The following FANCA variants were observed in gnomAD, a reference collection of about 807,000 sequenced individuals.
The protein encoded by FANCA is Fanconi anemia group A protein.
Under a neutral mutation model 194.3 loss-of-function variants are expected in FANCA, and 236 were observed. The ratio of observed to expected loss-of-function variants is 1.21; its 90% CI spans 1.09 to 1.35. The LOEUF (loss-of-function observed/expected upper bound fraction) is 1.35. Ranked by LOEUF, FANCA falls within the 40% of genes most tolerant of loss-of-function variation. The pLI, the probability that FANCA is intolerant of heterozygous loss-of-function variation, is 0.00. For missense variants in FANCA, 2,628 were observed against 1,813.9 expected (o/e 1.45, Z -8.15); for synonymous variants, 1,014 against 715.8 (o/e 1.42, Z -6.65).
intron 11 of FANCA, among the ~76,000 whole-genome samples, chr16:89,795,672 T>C (rs1038701350): frequency 2.0e-5 from 3 of 152,236 alleles, no homozygotes; most frequent in Non-Finnish European, 2.9e-5. Flanking sequence ...TCTATTTTAA[T>C]GACAATTATT....
At position 89,771,702 on chromosome 16, in the gene FANCA, C is replaced by T. The variant is rs771226546; in HGVS notation, c.2127G>A (p.Pro709=). 20 of 1,614,208 alleles carry T rather than the reference C, an allele frequency of 1.2e-5. No individual in the cohort carries two copies. Among genetic ancestry groups the T allele is most frequent in the South Asian group, 3.3e-5 (3 of 91,088 alleles). ...CCATGTGTTCCCGTGGCTCCAGTCT[C>T]GGCGTGTTGATGCTGAGCTGAATCT... ...ISKIQLSINT[P]RLEPREHMAV... is the part of the protein sequence containing the mutation. The change falls in exon 23 of 43, where the codon CCG becomes CCA. Residue 709 remains proline (P), a synonymous_variant. Coordinates refer to ENST00000389301, the MANE Select transcript of FANCA (RefSeq NM_000135.4).
In FANCA at chr16:89,738,943, C is replaced by T. The variant is rs149851163; in HGVS notation, c.4199G>A (p.Arg1400His). Residue 1400 changes from arginine to histidine, a missense_variant, in exon 42 of 43, where the codon CGT becomes CAT. Physicochemically the swap from Arg to His is conservative, Grantham distance 29 (BLOSUM62 0). Transcript: ENST00000389301. ...AGGTATTAACTGCAGCAGAAAAAGA[C>T]GAGCTTTTGTTATCAGTTCCACGGG... is the stretch of plus-strand genomic sequence containing the variant. Reference protein sequence around the residue: ...GNPVELITKARLFLLQLIPRC... With the variant: ...GNPVELITKAHLFLLQLIPRC... 6.9e-5 allele frequency: 111 copies of T among 1,614,272 alleles called. No homozygotes were observed. Among genetic ancestry groups the T allele is most frequent in the Admixed American group, 8.3e-5 (5 of 60,032 alleles).
intron 17 of FANCA, among the ~76,000 whole-genome samples, chr16:89,781,282 T>G (rs1202707878): frequency 1.5e-5 from 2 of 137,436 alleles, no homozygotes; most frequent in Non-Finnish European, 3.0e-5. Context: ...GAGAATGGCA[T>G]GAACCCGGAA....
chr16:89,803,186 C>T (rs891747537), intron 8 of FANCA, 73 bp downstream of exon 8: 29 of 1,390,368 alleles, frequency 2.1e-5, no homozygotes, highest in Middle Eastern at 1.8e-4. Context: ...TAGAGAGACA[C>T]GTAAATACAT....
intron 8 of FANCA, among the ~76,000 whole-genome samples, chr16:89,802,506 A>G (rs2040491060): frequency 1.3e-5 from 2 of 152,144 alleles, no homozygotes; most frequent in South Asian, 2.1e-4. Context: ...GTTTCACGCC[A>G]TTCTCCTGCC....
intron 31 of FANCA, among the ~76,000 whole-genome samples, chr16:89,750,977 T>C (rs1490638966): frequency 1.3e-5 from 2 of 152,152 alleles, no homozygotes; most frequent in Admixed American, 6.5e-5. Context: ...ATGGCAGCCT[T>C]GACTCTCGAG....
At position 89,758,707 on chromosome 16, in the gene FANCA, T is replaced by G. The variant is rs947311062; in HGVS notation, c.2853-2A>C. On this transcript the variant is annotated splice_acceptor_variant, in intron 29 of 42. Coordinates refer to ENST00000389301, the MANE Select transcript of FANCA (RefSeq NM_000135.4). LOFTEE classifies it high-confidence loss of function. The stretch of plus-strand genomic sequence containing the variant: ...ATCGCCCACTGGTGGAAGTCCTGCC[T>G]AGAACAGCAAACACTGCTATCAATT... 1.5e-5 allele frequency: 24 copies of G among 1,613,320 alleles called. No individual in the cohort carries two copies. The highest frequency in any genetic ancestry group is 2.0e-5 in the Non-Finnish European group (24 of 1,179,528).
intron 11 of FANCA, among the ~76,000 whole-genome samples, chr16:89,793,188 C>G (rs2040135429): frequency 6.6e-6 from 1 of 152,110 alleles, no homozygotes; most frequent in Non-Finnish European, 1.5e-5. Flanking sequence ...CTTTCCCGGT[C>G]TAAGTAGTGA....
chr16:89,763,315 C>A (rs746598708), intron 28 of FANCA, among the ~76,000 whole-genome samples: 5 of 152,044 alleles, frequency 3.3e-5, no homozygotes, highest in African/African-American at 7.2e-5. Context: ...GTGGCTCACA[C>A]TTGCAATCTC....
At chr16:89,808,916 T>A (rs942543138) in intron 5 of FANCA, among the ~76,000 whole-genome samples, 1 of 151,950 alleles carries the variant, frequency 6.6e-6, no homozygotes, top group African/African-American at 2.4e-5. Flanking sequence ...CTCTATTTTT[T>A]TTTTTTTGAG....
intron 10 of FANCA, among the ~76,000 whole-genome samples, chr16:89,797,901 T>A (rs2040302780): frequency 6.6e-6 from 1 of 151,710 alleles, no homozygotes; most frequent in East Asian, 1.9e-4. Context: ...GTCTCAAAAA[T>A]AAATAAATAA....
At chr16:89,739,056 G>T in intron 41 of FANCA, 77 bp downstream of exon 41, 2 of 1,613,938 alleles carry the variant, frequency 1.2e-6, no homozygotes, top group Non-Finnish European at 1.7e-6. Context: ...TGCATGCTGT[G>T]CCGGAACATT....
intron 33 of FANCA, among the ~76,000 whole-genome samples, chr16:89,747,975 G>C (rs1239456084): frequency 1.3e-5 from 2 of 152,046 alleles, no homozygotes; most frequent in Non-Finnish European, 2.9e-5. Flanking sequence ...TGTAGTGGTG[G>C]GATCTTGGCT....
At chr16:89,756,644 T>C (rs916907224) in intron 30 of FANCA, among the ~76,000 whole-genome samples, 1 of 152,018 alleles carries the variant, frequency 6.6e-6, no homozygotes, top group South Asian at 2.1e-4. Flanking sequence ...TAAGACAAAG[T>C]AAGACTATCT....
intron 8 of FANCA, among the ~76,000 whole-genome samples, chr16:89,801,433 T>C (rs548594608): frequency 6.6e-6 from 1 of 151,734 alleles, no homozygotes; most frequent in East Asian, 1.9e-4. Flanking sequence ...CCAGTTAGAA[T>C]TATCATTATC....
intron 6 of FANCA, among the ~76,000 whole-genome samples, chr16:89,807,872 G>T (rs911419330): frequency 2.0e-5 from 3 of 151,422 alleles, no homozygotes; most frequent in Non-Finnish European, 2.9e-5. Context: ...GACAGAACGA[G>T]ACTCTGTCCC....
At chr16:89,740,752 C>A in intron 38 of FANCA, 52 bp downstream of exon 38, 1 of 1,534,882 alleles carries the variant, frequency 6.5e-7, no homozygotes, top group Non-Finnish European at 9.0e-7. Context: ...CCTGGTGCCC[C>A]TGCCTGGCCC....
chr16:89,814,892 G>A (rs1226580053), intron 2 of FANCA, among the ~76,000 whole-genome samples: 1 of 151,874 alleles, frequency 6.6e-6, no homozygotes, highest in East Asian at 1.9e-4. Context: ...AGTGAGCCGA[G>A]ATCACCCCAC....
In FANCA at chr16:89,738,710, T is replaced by A. The variant is rs915983602; in HGVS notation, c.4261-2A>T. 1 of 1,613,838 alleles carries A rather than the reference T, an allele frequency of 6.2e-7. No homozygotes were observed. ...GCAGTCCCCACGATCAGCCAGCAGC[T>A]GTGAGAGAGGAGCAGGTCCTCAGCC... On this transcript the variant is annotated splice_acceptor_variant, in intron 42 of 42. Transcript: ENST00000389301. LOFTEE classifies it high-confidence loss of function.
Sources: gnomAD v4.1 joint callset for allele counts (sites outside exome capture counted in the v4.1 genomes callset) on GRCh38, gnomAD v4.1.1 for gene constraint, MANE v1.5 for transcripts, NCBI Gene and HGNC (gene_info 2026-07-23, HGNC 2026-07-21) for gene names.